THSD7B: variants seen among roughly 807,000 people sequenced by gnomAD.
THSD7B encodes thrombospondin type 1 domain containing 7B.
THSD7B carries 138 observed loss-of-function variants against 213.6 expected under a neutral mutation model. That is an observed-to-expected ratio of 0.65 (90% CI 0.56 to 0.74). The LOEUF (loss-of-function observed/expected upper bound fraction) is 0.74, where lower values mean the gene tolerates loss of function less well. Among genes scored for constraint, THSD7B ranks in the 30% least tolerant of loss-of-function variants. THSD7B has a pLI of 0.00. For synonymous variants in THSD7B, 742 were observed against 687.0 expected (o/e 1.08, Z -1.25); for missense variants, 1,931 against 1,991.5 (o/e 0.97, Z 0.58).
intron 15 of THSD7B, among the ~76,000 whole-genome samples, chr2:137,519,268 A>AAATAAATAAAT (rs1345026279): frequency 1.3e-5 from 2 of 152,000 alleles, no homozygotes; most frequent in Non-Finnish European, 2.9e-5. Flanking sequence ...ATAAATAAAT[A>AAATAAATAAAT]AATAAATAGA....
chr2:137,369,114 TTTG>T (rs964846556), intron 12 of THSD7B, among the ~76,000 whole-genome samples: 2 of 138,366 alleles, frequency 1.4e-5, no homozygotes, highest in African/African-American at 2.6e-5. Context: ...ATTTGTTGTT[TTTG>T]TTGTTGTTGT....
At chr2:137,166,913 C>A (rs1680146075) in intron 6 of THSD7B, among the ~76,000 whole-genome samples, 1 of 152,078 alleles carries the variant, frequency 6.6e-6, no homozygotes, top group African/African-American at 2.4e-5. Context: ...TGGGAGTTCT[C>A]ATGCTGACTT....
intron 21 of THSD7B, among the ~76,000 whole-genome samples, chr2:137,645,314 G>A (rs972650559): frequency 2.0e-4 from 30 of 152,276 alleles, no homozygotes; most frequent in African/African-American, 7.2e-4. Context: ...AGGCAGTAAT[G>A]CCAATTCATT....
chr2:137,597,210 G>T (rs1229244383), intron 17 of THSD7B, among the ~76,000 whole-genome samples: 2 of 152,072 alleles, frequency 1.3e-5, no homozygotes, highest in Non-Finnish European at 2.9e-5. Context: ...AATCTTTGTT[G>T]TAATGACATT....
At chr2:137,397,147 G>A (rs1417228466) in intron 12 of THSD7B, among the ~76,000 whole-genome samples, 1 of 151,566 alleles carries the variant, frequency 6.6e-6, no homozygotes, top group African/African-American at 2.4e-5. Context: ...TTTAATTGGA[G>A]CATTTAGTCC....
At chr2:137,210,077 A>G (rs1313607036) in intron 7 of THSD7B, among the ~76,000 whole-genome samples, 1 of 152,088 alleles carries the variant, frequency 6.6e-6, no homozygotes, top group African/African-American at 2.4e-5. Flanking sequence ...CAACCCTGTG[A>G]AGACTGACAC....
intron 17 of THSD7B, among the ~76,000 whole-genome samples, chr2:137,578,322 T>A (rs538036483): frequency 6.6e-6 from 1 of 152,332 alleles, no homozygotes; most frequent in South Asian, 2.1e-4. Context: ...CTTAGCTAAC[T>A]ACTAATTTGG....
At chr2:137,077,582 A>G (rs1218934623) in intron 3 of THSD7B, among the ~76,000 whole-genome samples, 3 of 152,084 alleles carry the variant, frequency 2.0e-5, no homozygotes, top group South Asian at 2.1e-4. Context: ...GCCAGTGATG[A>G]TGAGCATTTT....
At chr2:137,461,218 A>C (rs1389658644) in intron 15 of THSD7B, among the ~76,000 whole-genome samples, 1 of 152,092 alleles carries the variant, frequency 6.6e-6, no homozygotes, top group South Asian at 2.1e-4. Context: ...ATGCATTTCT[A>C]TTCAGTACAT....
rs1305491367 is a variant in THSD7B at position 136,934,386 on chromosome 2, CTT to C, written c.139+52071_139+52072del. 3.3e-5 allele frequency among the ~76,000 whole-genome samples: 5 copies of C among 152,136 alleles called. No homozygotes were observed. The East Asian group carries it at 9.7e-4, about 29-fold the overall frequency. Reference sequence around the variant, plus strand: ...AATGAGAAACATAACAATATAAAGACTTTGTTTAGGTATAGTAGTTAATGGAT... The same window carrying C: ...AATGAGAAACATAACAATATAAAGACTGTTTAGGTATAGTAGTTAATGGAT... On this transcript the variant is annotated intron_variant, in intron 2 of 27. Coordinates refer to ENST00000409968, the MANE Select transcript of THSD7B (RefSeq NM_001316349.2).
At chr2:136,809,073 T>C (rs987449077) in intron 1 of THSD7B, among the ~76,000 whole-genome samples, 2 of 152,206 alleles carry the variant, frequency 1.3e-5, no homozygotes, top group African/African-American at 4.8e-5. Flanking sequence ...CTTGCAGTTA[T>C]AGAGCTTTTA....
At chr2:137,374,295 G>C (rs1434321040) in intron 12 of THSD7B, among the ~76,000 whole-genome samples, 1 of 152,046 alleles carries the variant, frequency 6.6e-6, no homozygotes, top group East Asian at 1.9e-4. Flanking sequence ...ATTACTTCTT[G>C]ACTTTCTCTA....
chr2:136,819,150 A>G (rs977269502), intron 1 of THSD7B, among the ~76,000 whole-genome samples: 5 of 152,356 alleles, frequency 3.3e-5, no homozygotes, highest in African/African-American at 9.6e-5. Context: ...GAAAAAATAT[A>G]TAATAGGCAA....
At chr2:137,293,677 A>G (rs544078392) in intron 12 of THSD7B, among the ~76,000 whole-genome samples, 9 of 152,126 alleles carry the variant, frequency 5.9e-5, no homozygotes, top group African/African-American at 2.2e-4. Context: ...TTACTCTGAA[A>G]TTTTCCCAAT....
intron 13 of THSD7B, among the ~76,000 whole-genome samples, chr2:137,406,336 C>T (rs1282335704): frequency 6.6e-6 from 1 of 152,134 alleles, no homozygotes; most frequent in East Asian, 1.9e-4. Flanking sequence ...TTTTCAGCTG[C>T]AAAAATTTAA....
intron 10 of THSD7B, among the ~76,000 whole-genome samples, chr2:137,265,280 G>A (rs1682560835): frequency 6.6e-6 from 1 of 152,130 alleles, no homozygotes; most frequent in Admixed American, 6.6e-5. Context: ...TCTCACACCA[G>A]TTAGAATGGC....
chr2:137,478,020 T>C (rs1282710648), intron 15 of THSD7B, among the ~76,000 whole-genome samples: 1 of 152,108 alleles, frequency 6.6e-6, no homozygotes, highest in Non-Finnish European at 1.5e-5. Context: ...GAATTCTCTT[T>C]TTCTTTTTTG....
At chr2:136,990,697 T>C (rs1314765166) in intron 2 of THSD7B, among the ~76,000 whole-genome samples, 1 of 152,188 alleles carries the variant, frequency 6.6e-6, no homozygotes, top group Non-Finnish European at 1.5e-5. Flanking sequence ...AACAGCTTTC[T>C]ACATTAAATA....
At chr2:137,176,823 C>G (rs1680366571) in intron 7 of THSD7B, among the ~76,000 whole-genome samples, 1 of 152,174 alleles carries the variant, frequency 6.6e-6, no homozygotes, top group Non-Finnish European at 1.5e-5. Context: ...GAAGCTGTTT[C>G]CTTATTGATT....
Sources: gnomAD v4.1 joint callset for allele counts (sites outside exome capture counted in the v4.1 genomes callset) on GRCh38, gnomAD v4.1.1 for gene constraint, MANE v1.5 for transcripts, NCBI Gene and HGNC (gene_info 2026-07-23, HGNC 2026-07-21) for gene names.